HAO1: variants seen among roughly 807,000 people sequenced by gnomAD.
The protein encoded by HAO1 is hydroxyacid oxidase 1.
In HAO1, 34 loss-of-function variants were observed where a neutral mutation model predicts 39.7. That is an observed-to-expected ratio of 0.86 (90% CI 0.65 to 1.14). The LOEUF is 1.14. HAO1 is among the 50% of genes most tolerant of loss of function. HAO1 has a pLI of 0.00. For synonymous variants in HAO1, 172 were observed against 173.2 expected (o/e 0.99, Z 0.05); for missense variants, 479 against 464.5 (o/e 1.03, Z -0.29).
intron 2 of HAO1, among the ~76,000 whole-genome samples, chr20:7,931,589 A>T (rs1046971792): frequency 6.6e-6 from 1 of 152,174 alleles, no homozygotes; most frequent in Non-Finnish European, 1.5e-5. Context: ...AATACTCGTA[A>T]TATACTTAAA....
chr20:7,925,926 A>AT (rs2050357133), intron 2 of HAO1, among the ~76,000 whole-genome samples: 1 of 152,134 alleles, frequency 6.6e-6, no homozygotes, highest in Non-Finnish European at 1.5e-5. Flanking sequence ...TTGCAAAGTG[A>AT]TTTTAACACT....
At chr20:7,915,992 T>C (rs1210826893) in intron 2 of HAO1, among the ~76,000 whole-genome samples, 1 of 152,164 alleles carries the variant, frequency 6.6e-6, no homozygotes, top group Non-Finnish European at 1.5e-5. Context: ...TCTCATAAAA[T>C]GTGTGTGCTA....
intron 5 of HAO1, among the ~76,000 whole-genome samples, chr20:7,887,789 G>A (rs907390010): frequency 6.6e-6 from 1 of 152,026 alleles, no homozygotes; most frequent in African/African-American, 2.4e-5. Context: ...ACTAATAAAG[G>A]TACTTAAAAA....
At chr20:7,894,592 GCTCA>G (rs2050188496) in intron 5 of HAO1, among the ~76,000 whole-genome samples, 1 of 152,130 alleles carries the variant, frequency 6.6e-6, no homozygotes, top group Non-Finnish European at 1.5e-5. Context: ...CCTATTTGCA[GCTCA>G]CTTCCCGTTG....
At chr20:7,929,594 G>C (rs951601201) in intron 2 of HAO1, among the ~76,000 whole-genome samples, 2 of 152,166 alleles carry the variant, frequency 1.3e-5, no homozygotes, top group Admixed American at 6.5e-5. Flanking sequence ...GACAGGGCGC[G>C]GTGGCTCACG....
chr20:7,894,997 A>G, intron 5 of HAO1, 136 bp downstream of exon 5: 1 of 643,962 alleles, frequency 1.6e-6, no homozygotes, highest in Non-Finnish European at 2.8e-6. Flanking sequence ...AAAATCCAAG[A>G]TCTCACATAT....
In HAO1 at chr20:7,885,719, C is replaced by T. The variant is rs149275477; in HGVS notation, c.959G>A (p.Gly320Asp). Residue 320 changes from glycine (G) to aspartate (D), a missense_variant, in exon 6 of 8, where the codon GGC (glycine) becomes GAC (aspartate). Gly to Asp is a moderately conservative substitution (Grantham distance 94, BLOSUM62 -1). Coordinates refer to ENST00000378789, the MANE Select transcript of HAO1 (RefSeq NM_017545.3). ...TTGTCCAGTTACCTGGAAAGCTAAG[C>T]CCCAAACGATTGGTCTCCCCACAAA... Reference protein sequence around the residue: ...AVFVGRPIVWGLAFQGEKGVQ... With the variant: ...AVFVGRPIVWDLAFQGEKGVQ... The T allele has an allele frequency of 6.2e-7, 1 of 1,612,780 alleles. No homozygotes were observed. Among genetic ancestry groups the T allele is most frequent in the African/African-American group, 1.3e-5 (1 of 74,884 alleles).
chr20:7,890,694 C>T (rs1254049427), intron 5 of HAO1, among the ~76,000 whole-genome samples: 1 of 152,074 alleles, frequency 6.6e-6, no homozygotes, highest in African/African-American at 2.4e-5. Context: ...TTATCCCTTG[C>T]CACCCCCTAT....
At chr20:7,906,096 A>T in intron 4 of HAO1, 58 bp downstream of exon 4, 1 of 1,136,080 alleles carries the variant, frequency 8.8e-7, no homozygotes, top group East Asian at 2.3e-5. Flanking sequence ...GAATATTATG[A>T]ACGTATCCAC....
chr20:7,906,039 G>A, intron 4 of HAO1, 115 bp downstream of exon 4: 3 of 760,714 alleles, frequency 3.9e-6, no homozygotes, highest in South Asian at 3.1e-5. Context: ...GAGTTGGAAT[G>A]TCTCTCTCAA....
intron 2 of HAO1, among the ~76,000 whole-genome samples, chr20:7,916,350 G>A (rs947683877): frequency 2.0e-5 from 3 of 152,254 alleles, no homozygotes; most frequent in African/African-American, 4.8e-5. Context: ...ACTCATCTGT[G>A]TGCCTACCAT....
intron 3 of HAO1, among the ~76,000 whole-genome samples, chr20:7,909,931 T>C (rs2122772454): frequency 6.6e-6 from 1 of 152,292 alleles, no homozygotes; most frequent in East Asian, 1.9e-4. Context: ...AACACTTGTG[T>C]TGAGAACACA....
intron 7 of HAO1, among the ~76,000 whole-genome samples, chr20:7,885,169 G>A (rs77943401): frequency 0.019 from 2,889 of 152,238 alleles, 102 homozygotes; most frequent in African/African-American, 0.064. Flanking sequence ...CTTAGTTTTG[G>A]ACAGGTAAGA....
chr20:7,905,342 A>C (rs2050242323), intron 4 of HAO1, among the ~76,000 whole-genome samples: 2 of 152,342 alleles, frequency 1.3e-5, no homozygotes, highest in African/African-American at 4.8e-5. Flanking sequence ...CATGACTCAG[A>C]CATGTTCAAG....
chr20:7,921,069 A>T (rs1016866653), intron 2 of HAO1, among the ~76,000 whole-genome samples: 34 of 152,036 alleles, frequency 2.2e-4, no homozygotes, highest in Non-Finnish European at 3.7e-4. Flanking sequence ...CAAAAAAAAA[A>T]ATAAGGAACT....
chr20:7,933,069 C>T (rs1387700678), intron 2 of HAO1, among the ~76,000 whole-genome samples: 1 of 152,076 alleles, frequency 6.6e-6, no homozygotes, highest in Non-Finnish European at 1.5e-5. Flanking sequence ...CATGTCTTTG[C>T]TTATTAATGA....
At position 7,934,483 on chromosome 20, in the gene HAO1, C is replaced by T; in HGVS notation, c.289+1G>A. 6.2e-7 allele frequency: 1 copy of T among 1,607,498 alleles called. No homozygotes were observed. Among genetic ancestry groups the T allele is most frequent in the Non-Finnish European group, 8.5e-7 (1 of 1,177,652 alleles). ...CCCTGTGGTGACAATCTTCCTCCTA[C>T]CTCTCACAGTGGCAAGCTCGCCGTC... On this transcript the variant is annotated splice_donor_variant, in intron 2 of 7. Transcript: ENST00000378789. LOFTEE classifies it high-confidence loss of function.
chr20:7,924,817 T>C (rs1197219171), intron 2 of HAO1, among the ~76,000 whole-genome samples: 9 of 152,162 alleles, frequency 5.9e-5, no homozygotes, highest in African/African-American at 2.2e-4. Flanking sequence ...TAGGTGCATT[T>C]GATTAAAAAG....
intron 1 of HAO1, among the ~76,000 whole-genome samples, chr20:7,939,508 G>A (rs560414310): frequency 5.3e-5 from 8 of 152,128 alleles, no homozygotes; most frequent in Non-Finnish European, 1.0e-4. Context: ...CCACAATACC[G>A]ATTGCCTTTA....
Sources: allele counts gnomAD v4.1 joint callset (sites outside exome capture counted in the v4.1 genomes callset), GRCh38; gene constraint gnomAD v4.1.1; transcripts MANE v1.5; gene names NCBI Gene and HGNC (gene_info 2026-07-23, HGNC 2026-07-21).